The following PLEC variants were observed in gnomAD, a reference collection of about 807,000 sequenced individuals.
PLEC encodes plectin.
PLEC carries 216 observed loss-of-function variants against 392.8 expected under a neutral mutation model. The observed-to-expected ratio is 0.55, with a 90% CI of 0.49 to 0.62. The LOEUF is 0.62. Ranked by LOEUF, PLEC falls within the 20% of genes least tolerant of loss-of-function variation. The pLI is 0.00. For synonymous variants in PLEC, 3,621 were observed against 2,980.6 expected, an observed-to-expected ratio of 1.21 and a Z score of -7.00; for missense variants, 6,863 against 6,563.4, an observed-to-expected ratio of 1.05 and a Z score of -1.58.
upstream of PLEC, chr8:143,975,476 C>T (rs931733690): frequency 2.1e-6 from 2 of 974,584 alleles, no homozygotes; most frequent in Non-Finnish European, 3.2e-6. This position sits in a 1 kb window ranked among gnomAD's most constrained non-coding sequence, Gnocchi z 9.9. Flanking sequence ...TGAACTCTCC[C>T]CACCCAGCCT....
At chr8:143,945,463 G>T (rs781787910) in intron 1 of PLEC, among the ~76,000 whole-genome samples, 4 of 152,180 alleles carry the variant, frequency 2.6e-5, no homozygotes, top group African/African-American at 9.6e-5. Flanking sequence ...GAAACAGGAC[G>T]TGGGACACGC....
chr8:143,950,959 C>T (rs1832087590), upstream of PLEC: 4 of 701,426 alleles, frequency 5.7e-6, no homozygotes, highest in East Asian at 1.3e-4. Flanking sequence ...GGACGCCGGG[C>T]CGGCCCCCTC....
At position 143,916,831 on chromosome 8, in the gene PLEC, G is replaced by C. The variant is rs2857821; in HGVS notation, c.12990C>G (p.Phe4330Leu). 6 of 1,612,980 alleles carry C rather than the reference G, an allele frequency of 3.7e-6. No individual in the cohort carries two copies. The highest frequency in any genetic ancestry group is 5.1e-6 in the Non-Finnish European group (6 of 1,179,946). The change falls in exon 32 of 32, where the codon TTC becomes TTG. Residue 4330 changes from phenylalanine to leucine, a missense_variant. Transcript: ENST00000345136. ...GIIDPSTGERFPVTDAVNKGL... is the reference protein window; with the variant it reads ...GIIDPSTGERLPVTDAVNKGL... ...CCTTGTTGACGGCGTCGGTGACAGG[G>C]AAGCGCTCACCGGTGCTGGGGTCGA...
chr8:143,922,961 G>A lies in PLEC; in HGVS notation c.6968C>T (p.Thr2323Met), dbSNP rs550065687. 45 of 1,610,206 alleles carry A rather than the reference G, an allele frequency of 2.8e-5. No homozygotes were observed. The highest frequency in any genetic ancestry group is 4.5e-5 in the East Asian group (2 of 44,744). The change falls in exon 31 of 32, where the codon ACG (threonine) becomes ATG (methionine). Residue 2323 changes from threonine (T) to methionine (M), a missense_variant. Physicochemically the swap from Thr to Met is moderately conservative, Grantham distance 81 (BLOSUM62 -1). Transcript: ENST00000345136. Reference sequence around the variant, plus strand: ...CAGTTCCGCCTCAGCCTTGAGTCGCGTGGCCTCCTGCACCGCCTGCATCTT... The same window carrying A: ...CAGTTCCGCCTCAGCCTTGAGTCGCATGGCCTCCTGCACCGCCTGCATCTT... ...KEKMQAVQEA[T>M]RLKAEAELLQ...
At chr8:143,937,437 C>G (rs950021466) in intron 3 of PLEC, among the ~76,000 whole-genome samples, 195 bp from the exon 4 acceptor site, 1 of 151,930 alleles carries the variant, frequency 6.6e-6, no homozygotes, top group Admixed American at 6.6e-5. Context: ...CATCAGGGCT[C>G]GGGAAGTCCA....
In PLEC at chr8:143,934,637, C is replaced by G; in HGVS notation, c.1039G>C (p.Glu347Gln). 6.2e-7 allele frequency: 1 copy of G among 1,613,046 alleles called. No individual in the cohort carries two copies. The highest frequency in any genetic ancestry group is 8.5e-7 in the Non-Finnish European group (1 of 1,179,794). Residue 347 changes from glutamate to glutamine, a missense_variant and splice_region_variant, in exon 10 of 32, where the codon GAG becomes CAG. Transcript: ENST00000345136. ...NRSKGIYQSL[E>Q]GAVQAGQLKV... ...ACCCCTCCAGCGGTCCCACTCACCT[C>G]CAGGGATTGGTAGATGCCCTTGGAC... is the stretch of plus-strand genomic sequence containing the variant.
At chr8:143,925,922 A>G in intron 30 of PLEC, 38 bp from the exon 31 acceptor site, 4 of 1,531,804 alleles carry the variant, frequency 2.6e-6, no homozygotes, top group African/African-American at 1.4e-5. Flanking sequence ...AAGCAGAGAG[A>G]GTGTGAACAC....
rs782249720 is a variant in PLEC, at chr8:143,916,284, A to G, written c.13537T>C (p.Phe4513Leu). Residue 4513 changes from phenylalanine to leucine, a missense_variant, in exon 32 of 32, where the codon TTC becomes CTC. Phe to Leu is a conservative substitution (Grantham distance 22). Transcript: ENST00000345136. ...GAGGATGAAGAGAAGGTCATGGAGA[A>G]GCCGGAGCCGGTGGCGTCAAAGCTG... ...RGSFDATGSG[F>L]SMTFSSSSYS... The G allele has an allele frequency of 6.4e-7, 1 of 1,563,716 alleles. No homozygotes were observed. Among genetic ancestry groups the G allele is most frequent in the South Asian group, 1.1e-5 (1 of 87,176 alleles).
At chr8:143,937,387 A>C (rs1292282580) in intron 3 of PLEC, 145 bp from the exon 4 acceptor site, 5 of 673,324 alleles carry the variant, frequency 7.4e-6, no homozygotes, top group Non-Finnish European at 1.3e-5. Flanking sequence ...CCTCCCCCGC[A>C]GGGAAAGGGA....
intron 1 of PLEC, among the ~76,000 whole-genome samples, chr8:143,963,689 G>GT (rs1353381688): frequency 6.6e-6 from 1 of 151,630 alleles, no homozygotes; most frequent in Admixed American, 6.6e-5. Context: ...TGTTGTTCTT[G>GT]TTTTTTTCAA....
chr8:143,975,106 C>A, upstream of PLEC: 1 of 1,521,618 alleles, frequency 6.6e-7, no homozygotes. The surrounding 1 kb of genome is among the most constrained non-coding windows in gnomAD (Gnocchi z 9.9). Context: ...GCTCCAGCGC[C>A]TAGCACGCAG....
chr8:143,971,355 G>A (rs782713916), intron 1 of PLEC, among the ~76,000 whole-genome samples: 3 of 152,078 alleles, frequency 2.0e-5, no homozygotes, highest in Non-Finnish European at 4.4e-5. Context: ...TGCTGAGCTG[G>A]GCCCAGGACA....
upstream of PLEC, chr8:143,942,295 T>C: frequency 6.8e-7 from 1 of 1,468,442 alleles, no homozygotes; most frequent in Non-Finnish European, 9.3e-7. Flanking sequence ...GCCACCCCCA[T>C]CCCAGCCCAG....
rs1554674028 is a variant in PLEC at position 143,918,118 on chromosome 8, C to A, written c.11703G>T (p.Gln3901His). The A allele has an allele frequency of 3.8e-6, 6 of 1,598,534 alleles. No individual in the cohort carries two copies. The highest frequency in any genetic ancestry group is 5.1e-6 in the Non-Finnish European group (6 of 1,178,304). ...GCAGCGCCGTGGCCTCGTCCATGAC[C>A]TGCGAGCGCACCAGCTCCTCCATGG... ...QITMEELVRS[Q>H]VMDEATALQL... Residue 3901 changes from glutamine (Q) to histidine (H), a missense_variant, in exon 32 of 32, where the codon CAG becomes CAT. By Grantham distance (24) the Gln-to-His change is conservative (BLOSUM62 0). Coordinates refer to ENST00000345136, the MANE Select transcript of PLEC (RefSeq NM_201384.3).
chr8:143,935,335 T>C, intron 6 of PLEC, 22 bp from the exon 7 acceptor site: 1 of 1,567,388 alleles, frequency 6.4e-7, no homozygotes, highest in Non-Finnish European at 8.7e-7. Context: ...AGGTGGCTGG[T>C]CAGGTGGGTG....
At chr8:143,937,403 C>G (rs541413785) in intron 3 of PLEC, among the ~76,000 whole-genome samples, 161 bp from the exon 4 acceptor site, 1 of 152,314 alleles carries the variant, frequency 6.6e-6, no homozygotes, top group Non-Finnish European at 1.5e-5. Flanking sequence ...AGGGAGGCCA[C>G]CGGCCCAGGG....
Position 143,933,219 on chromosome 8 carries a change from G to C in PLEC, c.1396C>G (p.Gln466Glu), listed in dbSNP as rs1827931173. Residue 466 changes from glutamine (Q) to glutamate (E), a missense_variant, in exon 13 of 32, where the codon CAG becomes GAG. By Grantham distance (29) the Gln-to-Glu change is conservative (BLOSUM62 2). Coordinates refer to ENST00000345136, the MANE Select transcript of PLEC (RefSeq NM_201384.3). The stretch of plus-strand genomic sequence containing the variant: ...CACCTGCGGTACATCTGCTCGCCCT[G>C]CGGGTGCCGTCCATCCTTGAGGGTC... ...VQTLKDGRHP[Q>E]GEQMYRRVYR... is the part of the protein sequence containing the mutation. 6.2e-7 allele frequency: 1 copy of C among 1,612,864 alleles called. No homozygotes were observed. The highest frequency in any genetic ancestry group is 8.5e-7 in the Non-Finnish European group (1 of 1,179,942).
chr8:143,916,072 A>G lies in PLEC; in HGVS notation c.*105T>C, dbSNP rs1820406010. On this transcript the variant is annotated 3_prime_UTR_variant, in exon 32 of 32. Coordinates refer to ENST00000345136, the MANE Select transcript of PLEC (RefSeq NM_201384.3). ...AGTCTGGTCTTTTTGGTTAAACTTTAGGCACCACTTGGGAGGAAGACACCT... is the reference window on the plus strand; with the variant it reads ...AGTCTGGTCTTTTTGGTTAAACTTTGGGCACCACTTGGGAGGAAGACACCT... The G allele has an allele frequency of 2.8e-6, 2 of 711,966 alleles. No homozygotes were observed. The highest frequency in any genetic ancestry group is 4.5e-6 in the Non-Finnish European group (2 of 446,228). 44.1% of individuals were successfully genotyped at this position (711,966 alleles called of 1,614,324 possible). A position where few individuals can be genotyped will look rare whatever the true frequency, so the allele number is the denominator to read the frequency against.
chr8:143,947,009 CA>C (rs1450601858), intron 1 of PLEC, among the ~76,000 whole-genome samples: 2 of 152,170 alleles, frequency 1.3e-5, no homozygotes, highest in African/African-American at 2.4e-5. Context: ...CAGTGAAGTG[CA>C]AATCAAATCC....
Sources: gnomAD v4.1 joint callset for allele counts (sites outside exome capture counted in the v4.1 genomes callset) on GRCh38, gnomAD v4.1.1 for gene constraint, Gnocchi (gnomAD v3.1) non-coding constraint, MANE v1.5 for transcripts, NCBI Gene and HGNC (gene_info 2026-07-23, HGNC 2026-07-21) for gene names.